The following MAMLD1 variants were observed in gnomAD, a reference collection of about 807,000 sequenced individuals.
MAMLD1 encodes the protein mastermind-like domain-containing protein 1.
In MAMLD1, 14 loss-of-function variants were observed where a neutral mutation model predicts 45.0. The ratio of observed to expected loss-of-function variants is 0.31; its 90% CI spans 0.21 to 0.49. The LOEUF is 0.49. MAMLD1 is among the 20% of genes least tolerant of loss of function. The pLI is 0.99. For synonymous variants in MAMLD1, 254 were observed against 247.8 expected (o/e 1.02, Z -0.24); for missense variants, 543 against 603.6 (o/e 0.90, Z 1.05).
At chrX:150,482,941 T>G (rs1229240450) in intron 5 of MAMLD1, among the ~76,000 whole-genome samples, 1 of 112,349 alleles carries the variant, frequency 8.9e-6, no homozygotes, top group East Asian at 2.8e-4. Context: ...TCATTAGCTC[T>G]CTGGTATATC....
chrX:150,437,012 T>C lies in MAMLD1; in HGVS notation c.-63-8442T>C, dbSNP rs1277986434. ...GGGGCAAAGCTCAGCTCAGGACTTCTGGGCTGTGTGTTCTAACTCTGAGGG... is the reference window on the plus strand; with the variant it reads ...GGGGCAAAGCTCAGCTCAGGACTTCCGGGCTGTGTGTTCTAACTCTGAGGG... On this transcript the variant is annotated intron_variant, in intron 1 of 7. Transcript: ENST00000370401. Among the ~76,000 whole-genome samples the C allele has an allele frequency of 8.1e-5, 9 of 111,169 alleles. No homozygotes were observed. The East Asian group carries it at 2.5e-3, about 31-fold the overall frequency.
chrX:150,478,226 C>T (rs893622314), intron 5 of MAMLD1, among the ~76,000 whole-genome samples: 40 of 112,233 alleles, frequency 3.6e-4, no homozygotes, highest in Admixed American at 3.1e-3. Flanking sequence ...AGAGAATTTC[C>T]GATTCTGATC....
intron 6 of MAMLD1, chrX:150,504,257 C>T: frequency 1.2e-5 from 9 of 752,169 alleles, no homozygotes; most frequent in Non-Finnish European, 1.4e-5. Context: ...CAGAGAATTG[C>T]ATCTGGTGCA....
At position 150,470,677 on chromosome X, in the gene MAMLD1, C is replaced by G; in HGVS notation, c.1104C>G (p.Ser368=). Residue 368 remains serine, a synonymous_variant, in exon 4 of 8, where the codon TCC becomes TCG. Coordinates refer to ENST00000370401, the MANE Select transcript of MAMLD1 (RefSeq NM_005491.5). ...PPFSPQSLMV[S]CMSSNTLSGS... Reference sequence around the variant, plus strand: ...TCAGCCCCCAGAGCCTCATGGTGTCCTGCATGTCGTCCAATACCTTGTCGG... The same window carrying G: ...TCAGCCCCCAGAGCCTCATGGTGTCGTGCATGTCGTCCAATACCTTGTCGG... 1 of 1,212,036 alleles carries G rather than the reference C, an allele frequency of 8.3e-7. No homozygotes were observed. Among genetic ancestry groups the G allele is most frequent in the Non-Finnish European group, 1.1e-6 (1 of 895,559 alleles).
Position 150,383,155 on chromosome X carries a change from C to T in MAMLD1, c.-64+19625C>T, listed in dbSNP as rs1291981475. ...TCCTGACCTCGTGATCCGCCCGCCT[C>T]GGCCTCCCAAAGTGCTGGGATTACA... On this transcript the variant is annotated intron_variant, in intron 1 of 7. Coordinates refer to ENST00000370401, the MANE Select transcript of MAMLD1 (RefSeq NM_005491.5). Among the ~76,000 whole-genome samples the T allele has an allele frequency of 1.9e-4, 6 of 31,072 alleles. 1 individual carries two copies. The South Asian group carries it at 3.9e-3, about 20-fold the overall frequency. 27.0% of individuals were successfully genotyped at this position (31,072 alleles called of 115,157 possible). A position where few individuals can be genotyped will look rare whatever the true frequency, so the allele number is the denominator to read the frequency against.
intron 1 of MAMLD1, among the ~76,000 whole-genome samples, chrX:150,445,144 A>G (rs1288345273): frequency 8.9e-6 from 1 of 112,181 alleles, no homozygotes; most frequent in African/African-American, 3.2e-5. Context: ...TAGGACCCAG[A>G]TATCATACTT....
At chrX:150,483,668 T>G (rs1306363506) in intron 5 of MAMLD1, among the ~76,000 whole-genome samples, 1 of 112,635 alleles carries the variant, frequency 8.9e-6, no homozygotes, top group Non-Finnish European at 1.9e-5. Flanking sequence ...TCTATAGCAC[T>G]TGTGCAATGT....
At chrX:150,426,648 A>G (rs902036102) in intron 1 of MAMLD1, among the ~76,000 whole-genome samples, 6 of 111,775 alleles carry the variant, frequency 5.4e-5, no homozygotes, top group African/African-American at 2.0e-4. Context: ...ATAAGAATCC[A>G]GAGCTAGGTG....
intron 1 of MAMLD1, among the ~76,000 whole-genome samples, chrX:150,432,829 A>C (rs1158361959): frequency 8.9e-6 from 1 of 112,247 alleles, no homozygotes; most frequent in Non-Finnish European, 1.9e-5. Context: ...ATTGTAGTAC[A>C]GTTTGAAGTT....
chrX:150,512,151 G>A lies in MAMLD1; in HGVS notation c.*192G>A. On this transcript the variant is annotated 3_prime_UTR_variant, in exon 8 of 8. Coordinates refer to ENST00000370401, the MANE Select transcript of MAMLD1 (RefSeq NM_005491.5). ...CTCACCAGGCACCAGAGCTGCGAGG[G>A]CATGGGAGTGATCTCACCAACTCTG... The A allele has an allele frequency of 8.7e-7, 1 of 1,151,128 alleles. No individual in the cohort carries two copies. The highest frequency in any genetic ancestry group is 1.1e-6 in the Non-Finnish European group (1 of 870,060). The allele number at this position is 1,151,128 out of a possible 1,213,427, so 94.9% of individuals were successfully genotyped here.
In MAMLD1 at chrX:150,473,747, A is replaced by G. The variant is rs2073043; in HGVS notation, c.1985A>G (p.Asn662Ser). ...SSVKPQHQHG[N>S]SFTSRQDPQP... The stretch of plus-strand genomic sequence containing the variant: ...GTGAAGCCCCAGCATCAACACGGGA[A>G]CTCTTTCACTAGCAGGCAAGATCCT... The change falls in exon 5 of 8, where the codon AAC (asparagine) becomes AGC (serine). Residue 662 changes from asparagine (N) to serine (S), a missense_variant. Asn to Ser is a conservative substitution (Grantham distance 46, BLOSUM62 1). Coordinates refer to ENST00000370401, the MANE Select transcript of MAMLD1 (RefSeq NM_005491.5). 0.13 allele frequency: 160,502 copies of G among 1,202,243 alleles called. 7,994 individuals are homozygous for G. Among genetic ancestry groups the G allele is most frequent in the Non-Finnish European group, 0.15 (133,603 of 889,032 alleles).
chrX:150,392,780 A>T (rs988135180), intron 1 of MAMLD1, among the ~76,000 whole-genome samples: 39 of 72,395 alleles, frequency 5.4e-4, no homozygotes, highest in Non-Finnish European at 9.9e-4. Flanking sequence ...TTTTTTAATT[A>T]AAAAAAAAAT....
chrX:150,396,023 C>T (rs782593852), intron 1 of MAMLD1, among the ~76,000 whole-genome samples: 197 of 107,629 alleles, frequency 1.8e-3, no homozygotes, highest in African/African-American at 6.5e-3. Context: ...TCAGTTTTTG[C>T]CCAGGCTGGA....
chrX:150,412,838 C>T (rs1478625277), intron 1 of MAMLD1, among the ~76,000 whole-genome samples: 2 of 110,569 alleles, frequency 1.8e-5, no homozygotes, highest in African/African-American at 6.6e-5. Flanking sequence ...CCACCTCAGC[C>T]TCCCACATAG....
Position 150,397,870 on chromosome X carries a change from G to A in MAMLD1, c.-64+34340G>A, listed in dbSNP as rs1345028127. On this transcript the variant is annotated intron_variant, in intron 1 of 7. Transcript: ENST00000370401. ...AGTCATCTATCATAACCTCATTTCT[G>A]ATGCCTAAATTCACTATTCAACATC... Among the ~76,000 whole-genome samples, 3 of 111,402 alleles carry A rather than the reference G, an allele frequency of 2.7e-5. No individual in the cohort carries two copies. The Admixed American group carries it at 2.9e-4, about 11-fold the overall frequency.
At chrX:150,452,996 C>G (rs888393577) in intron 2 of MAMLD1, among the ~76,000 whole-genome samples, 1 of 111,271 alleles carries the variant, frequency 9.0e-6, no homozygotes, top group Non-Finnish European at 1.9e-5. Context: ...TGCTGGATCA[C>G]TTGCACGGTT....
intron 1 of MAMLD1, among the ~76,000 whole-genome samples, chrX:150,441,012 A>C (rs1475803304): frequency 1.9e-5 from 2 of 104,835 alleles, no homozygotes; most frequent in Non-Finnish European, 3.9e-5. Flanking sequence ...ATAAATATTA[A>C]TATTTAATAA....
chrX:150,506,784 G>C (rs1346855262), intron 6 of MAMLD1, among the ~76,000 whole-genome samples: 1 of 112,715 alleles, frequency 8.9e-6, no homozygotes, highest in Admixed American at 9.3e-5. Context: ...AGTGCCTGGC[G>C]TGGGCTCAGT....
intron 1 of MAMLD1, among the ~76,000 whole-genome samples, chrX:150,441,718 G>A (rs1396595074): frequency 1.8e-5 from 2 of 110,775 alleles, no homozygotes; most frequent in Admixed American, 1.9e-4. Flanking sequence ...GTCTATATTG[G>A]TATATATTTC....
Sources: allele counts gnomAD v4.1 joint callset (sites outside exome capture counted in the v4.1 genomes callset), GRCh38; gene constraint gnomAD v4.1.1; transcripts MANE v1.5; gene names NCBI Gene and HGNC (gene_info 2026-07-23, HGNC 2026-07-21).